The following FAM13B variants were observed in gnomAD, a reference collection of about 807,000 sequenced individuals.
FAM13B encodes protein FAM13B.
In FAM13B, 60 loss-of-function variants were observed where a neutral mutation model predicts 117.3. The ratio of observed to expected loss-of-function variants is 0.51; its 90% CI spans 0.42 to 0.63. The LOEUF (loss-of-function observed/expected upper bound fraction) is 0.63, where lower values mean the gene tolerates loss of function less well. Ranked by LOEUF, FAM13B falls within the 30% of genes least tolerant of loss-of-function variation. The pLI, the probability that FAM13B is intolerant of heterozygous loss-of-function variation, is 0.00. For synonymous variants in FAM13B, 332 were observed against 356.1 expected, an observed-to-expected ratio of 0.93 and a Z score of 0.76; for missense variants, 972 against 1,091.9, an observed-to-expected ratio of 0.89 and a Z score of 1.55.
chr5:137,993,781 C>T (rs111695117), intron 7 of FAM13B, among the ~76,000 whole-genome samples: 2,416 of 151,748 alleles, frequency 0.016, 37 homozygotes, highest in Admixed American at 0.037. Context: ...AGCAAGACTC[C>T]GCCTCAAAAT....
intron 17 of FAM13B, 90 bp downstream of exon 17, chr5:137,952,538 A>G: frequency 2.3e-6 from 2 of 873,962 alleles, no homozygotes; most frequent in Non-Finnish European, 1.7e-6. Context: ...CAAGATTTAA[A>G]ATTATCAAAA....
intron 18 of FAM13B, among the ~76,000 whole-genome samples, chr5:137,947,570 T>C (rs1171061664): frequency 2.6e-5 from 4 of 151,938 alleles, no homozygotes; most frequent in African/African-American, 9.7e-5. Flanking sequence ...AAACAATTTT[T>C]CTACAAAAAA....
chr5:138,012,074 T>C, intron 4 of FAM13B, 129 bp from the exon 5 acceptor site: 1 of 602,468 alleles, frequency 1.7e-6, no homozygotes, highest in Non-Finnish European at 2.8e-6. Context: ...TCACTTCCTC[T>C]ACTGGGGCCA....
Position 137,954,203 on chromosome 5 carries a change from T to C in FAM13B, c.1681A>G (p.Lys561Glu). 1 of 1,614,018 alleles carries C rather than the reference T, an allele frequency of 6.2e-7. No homozygotes were observed. The highest frequency in any genetic ancestry group is 8.5e-7 in the Non-Finnish European group (1 of 1,179,988). Reference sequence around the variant, plus strand: ...AGTGCTTTAGATGAGGAATCCAACTTTTCTGGATCATGTAGGAAACGCTGG... The same window carrying C: ...AGTGCTTTAGATGAGGAATCCAACTCTTCTGGATCATGTAGGAAACGCTGG... ...QSQRFLHDPE[K>E]LDSSSKALSF... is the part of the protein sequence containing the mutation. Residue 561 changes from lysine (K) to glutamate (E), a missense_variant, in exon 15 of 24, where the codon AAG becomes GAG. Transcript: ENST00000689681.
intron 10 of FAM13B, among the ~76,000 whole-genome samples, chr5:137,963,205 C>T (rs1484555196): frequency 6.6e-6 from 1 of 152,216 alleles, no homozygotes; most frequent in Non-Finnish European, 1.5e-5. Context: ...AAATACTAGT[C>T]CCTTTTCAAA....
chr5:137,991,548 C>T (rs1380479447), intron 7 of FAM13B, among the ~76,000 whole-genome samples: 1 of 152,116 alleles, frequency 6.6e-6, no homozygotes, highest in Non-Finnish European at 1.5e-5. Context: ...TATCCCAAAC[C>T]TCAAATACCA....
Position 137,939,896 on chromosome 5 carries a change from T to C in FAM13B, c.*329A>G, listed in dbSNP as rs1581022983. The stretch of plus-strand genomic sequence containing the variant: ...AAAAAGTTGGTAATAACAAAAAGCT[T>C]GCATTTCCAAAGTTCTTGAAGTTGA... On this transcript the variant is annotated 3_prime_UTR_variant, in exon 24 of 24. Transcript: ENST00000689681. 1.5e-6 allele frequency: 2 copies of C among 1,338,376 alleles called. No individual in the cohort carries two copies. The highest frequency in any genetic ancestry group is 3.0e-5 in the African/African-American group (2 of 66,804). The allele number at this position is 1,338,376 out of a possible 1,614,324, so 82.9% of individuals were successfully genotyped here. A position where few individuals can be genotyped will look rare whatever the true frequency, so the allele number is the denominator to read the frequency against.
chr5:137,989,289 A>G (rs1178088682), intron 7 of FAM13B, among the ~76,000 whole-genome samples: 2 of 152,356 alleles, frequency 1.3e-5, no homozygotes, highest in Admixed American at 6.5e-5. Context: ...AGGAAACCAA[A>G]TGAGTATCAT....
chr5:138,011,181 T>C (rs1228501457), intron 5 of FAM13B, 32 bp from the exon 6 acceptor site: 2 of 1,572,990 alleles, frequency 1.3e-6, no homozygotes, highest in African/African-American at 2.8e-5. Flanking sequence ...GAATTGAGAG[T>C]TCTTAAATCA....
At chr5:138,014,796 T>C (rs1784875423) in intron 4 of FAM13B, among the ~76,000 whole-genome samples, 1 of 152,240 alleles carries the variant, frequency 6.6e-6, no homozygotes, top group South Asian at 2.1e-4. Context: ...CATTTGTACC[T>C]ATACTGGCCT....
intron 4 of FAM13B, among the ~76,000 whole-genome samples, 169 bp downstream of exon 4, chr5:138,018,133 G>C (rs1341972494): frequency 6.6e-6 from 1 of 152,096 alleles, no homozygotes; most frequent in African/African-American, 2.4e-5. Flanking sequence ...AGGGATCCCG[G>C]AAGTTGCCTT....
chr5:137,993,538 T>C (rs1779155746), intron 7 of FAM13B, among the ~76,000 whole-genome samples: 1 of 151,786 alleles, frequency 6.6e-6, no homozygotes, highest in Non-Finnish European at 1.5e-5. Context: ...ACCAGCACTT[T>C]GGGAGGCTGA....
intron 10 of FAM13B, among the ~76,000 whole-genome samples, chr5:137,984,122 T>C (rs867422695): frequency 1.1e-4 from 16 of 152,148 alleles, no homozygotes; most frequent in Non-Finnish European, 1.5e-4. Context: ...TGTTCCTAGG[T>C]TTCTGCTAAT....
At chr5:138,048,245 AAAC>A (rs1261893162) in intron 1 of FAM13B, among the ~76,000 whole-genome samples, 1 of 152,280 alleles carries the variant, frequency 6.6e-6, no homozygotes, top group Non-Finnish European at 1.5e-5. Flanking sequence ...ATTAAAAACA[AAAC>A]AAAACACTAA....
upstream of FAM13B, chr5:138,037,337 A>G (rs1350367647): frequency 1.3e-5 from 2 of 152,168 alleles, no homozygotes; most frequent in Non-Finnish European, 2.9e-5. Context: ...GCTTATCTGA[A>G]CAGAGGCATT....
At chr5:138,046,415 G>T (rs1320816442) in intron 1 of FAM13B, among the ~76,000 whole-genome samples, 1 of 152,220 alleles carries the variant, frequency 6.6e-6, no homozygotes, top group Non-Finnish European at 1.5e-5. Flanking sequence ...TGACAGACAA[G>T]AGCCACAAGG....
At chr5:138,045,520 C>T (rs999254202) in intron 1 of FAM13B, among the ~76,000 whole-genome samples, 1 of 151,624 alleles carries the variant, frequency 6.6e-6, no homozygotes, top group African/African-American at 2.4e-5. Context: ...GCAACAGAGC[C>T]AGACCCCATC....
At chr5:137,967,791 G>A (rs1770528949) in intron 10 of FAM13B, among the ~76,000 whole-genome samples, 1 of 152,262 alleles carries the variant, frequency 6.6e-6, no homozygotes, top group South Asian at 2.1e-4. Context: ...TGCTTGGTAA[G>A]GTGAGGTGGG....
chr5:138,006,514 C>T (rs1782612521), intron 7 of FAM13B, among the ~76,000 whole-genome samples: 1 of 152,212 alleles, frequency 6.6e-6, no homozygotes, highest in Non-Finnish European at 1.5e-5. Context: ...ATAGGGTCTT[C>T]AGCCTACCAC....
Sources: allele counts gnomAD v4.1 joint callset (sites outside exome capture counted in the v4.1 genomes callset), GRCh38; gene constraint gnomAD v4.1.1; transcripts MANE v1.5; gene names NCBI Gene and HGNC (gene_info 2026-07-23, HGNC 2026-07-21).